RXRG: variants seen among roughly 807,000 people sequenced by gnomAD.
RXRG encodes the protein retinoid X receptor gamma, also known as retinoic acid receptor RXR-gamma.
RXRG carries 19 observed loss-of-function variants against 49.2 expected under a neutral mutation model. The ratio of observed to expected loss-of-function variants is 0.39; its 90% CI spans 0.27 to 0.57. RXRG has a LOEUF of 0.57. RXRG is among the 20% of genes least tolerant of loss of function. RXRG has a pLI of 0.64. For synonymous variants in RXRG, 224 were observed against 216.6 expected, an observed-to-expected ratio of 1.03 and a Z score of -0.30; for missense variants, 452 against 592.5, an observed-to-expected ratio of 0.76 and a Z score of 2.46.
intron 2 of RXRG, among the ~76,000 whole-genome samples, chr1:165,421,475 T>C (rs1481370547): frequency 6.6e-6 from 1 of 152,034 alleles, no homozygotes; most frequent in African/African-American, 2.4e-5. Context: ...ACCTCATCCA[T>C]GTCTTGAGAT....
At chr1:165,404,723 A>G (rs768138729) in intron 9 of RXRG, among the ~76,000 whole-genome samples, 18 of 152,242 alleles carry the variant, frequency 1.2e-4, no homozygotes, top group Non-Finnish European at 2.2e-4. Flanking sequence ...ATACCAAAAT[A>G]TTTACAATAA....
At chr1:165,424,743 G>A (rs928186487) in intron 2 of RXRG, 2 of 983,398 alleles carry the variant, frequency 2.0e-6, no homozygotes, top group African/African-American at 3.5e-5. Context: ...CCCCCAAATT[G>A]TACTTACGCG....
At chr1:165,422,200 C>G (rs913239150) in intron 2 of RXRG, among the ~76,000 whole-genome samples, 1 of 152,218 alleles carries the variant, frequency 6.6e-6, no homozygotes, top group Non-Finnish European at 1.5e-5. Context: ...GTAATGATTG[C>G]CATTGCTACC....
chr1:165,426,292 A>G (rs2101731982), intron 2 of RXRG, among the ~76,000 whole-genome samples: 1 of 152,362 alleles, frequency 6.6e-6, no homozygotes, highest in South Asian at 2.1e-4. Context: ...CCAGTAAAGT[A>G]GTTTATTTGG....
intron 1 of RXRG, among the ~76,000 whole-genome samples, chr1:165,434,271 C>CGTGTGTGTGT (rs1491363219): frequency 0.014 from 1,730 of 120,744 alleles, 28 homozygotes; most frequent in African/African-American, 0.064. Flanking sequence ...CAATGAATTG[C>CGTGTGTGTGT]ATGTGTGTAT....
In RXRG at chr1:165,429,378, T is replaced by A. The variant is rs559152103; in HGVS notation, c.50-412A>T. ...GTAGGTTCCCAGGCTGCTCCATAAT[T>A]CCCTGACTAGAACTCATATTGCTCT... On this transcript the variant is annotated intron_variant, in intron 1 of 9. Coordinates refer to ENST00000359842, the MANE Select transcript of RXRG (RefSeq NM_006917.5). Among the ~76,000 whole-genome samples the A allele has an allele frequency of 1.1e-4, 17 of 152,228 alleles. No homozygotes were observed. The South Asian group carries it at 3.1e-3, about 28-fold the overall frequency.
intron 4 of RXRG, among the ~76,000 whole-genome samples, chr1:165,412,718 G>T (rs923725617): frequency 1.3e-5 from 2 of 152,082 alleles, no homozygotes; most frequent in East Asian, 3.9e-4. Context: ...ACCCCCTTGG[G>T]CTCATCTCTC....
chr1:165,435,713 G>A (rs749897696), intron 1 of RXRG, among the ~76,000 whole-genome samples: 2 of 152,186 alleles, frequency 1.3e-5, no homozygotes, highest in Non-Finnish European at 2.9e-5. Context: ...GGAGTGGGAG[G>A]CAGGGGACTG....
intron 2 of RXRG, chr1:165,424,654 A>G: frequency 2.4e-6 from 1 of 411,894 alleles, no homozygotes; most frequent in Non-Finnish European, 3.3e-6. Flanking sequence ...AGAGAAGCTC[A>G]AACAATGAAA....
chr1:165,408,465 A>G, intron 7 of RXRG, 147 bp from the exon 8 acceptor site: 1 of 630,786 alleles, frequency 1.6e-6, no homozygotes, highest in East Asian at 2.7e-5. Flanking sequence ...AAAAAGATGC[A>G]ACCCCTCATT....
intron 8 of RXRG, among the ~76,000 whole-genome samples, 173 bp from the exon 9 acceptor site, chr1:165,407,090 A>G (rs1241323037): frequency 6.6e-6 from 1 of 152,062 alleles, no homozygotes; most frequent in Non-Finnish European, 1.5e-5. Flanking sequence ...TGCCCAATTT[A>G]CCCAACAAAC....
chr1:165,428,367 G>A (rs1446412127), intron 2 of RXRG, among the ~76,000 whole-genome samples: 4 of 152,226 alleles, frequency 2.6e-5, no homozygotes, highest in Non-Finnish European at 5.9e-5. Flanking sequence ...ACAAGAGCAC[G>A]TGGCACTTCA....
chr1:165,423,494 C>T (rs1350222072), intron 2 of RXRG, among the ~76,000 whole-genome samples: 1 of 152,170 alleles, frequency 6.6e-6, no homozygotes, highest in East Asian at 1.9e-4. Flanking sequence ...AATCCTTCCA[C>T]CAAAGGTTAG....
chr1:165,436,809 T>G, intron 1 of RXRG: 1 of 610,724 alleles, frequency 1.6e-6, no homozygotes, highest in Non-Finnish European at 2.1e-6. Flanking sequence ...TGGCCTCTTT[T>G]ATCAGCTACT....
rs1658150185 is a variant in RXRG, at chr1:165,417,110, T to C, written c.553A>G (p.Lys185Glu). 1.9e-6 allele frequency: 3 copies of C among 1,614,200 alleles called. No individual in the cohort carries two copies. Among genetic ancestry groups the C allele is most frequent in the Non-Finnish European group, 2.5e-6 (3 of 1,180,018 alleles). ...CRDNKDCLID[K>E]RQRNRCQYCR... Reference sequence around the variant, plus strand: ...TACTGGCAGCGGTTGCGCTGACGCTTGTCAATGAGGCAGTCTTTATTATCC... The same window carrying C: ...TACTGGCAGCGGTTGCGCTGACGCTCGTCAATGAGGCAGTCTTTATTATCC... Residue 185 changes from lysine (K) to glutamate (E), a missense_variant, in exon 4 of 10, where the codon AAG becomes GAG. Lys to Glu is a moderately conservative substitution (Grantham distance 56, BLOSUM62 1). Transcript: ENST00000359842.
chr1:165,414,766 T>A (rs1279318928), intron 4 of RXRG, among the ~76,000 whole-genome samples: 2 of 152,200 alleles, frequency 1.3e-5, no homozygotes, highest in African/African-American at 4.8e-5. Flanking sequence ...GTATTTCATA[T>A]CGCATGCTCC....
chr1:165,410,841 G>A lies in RXRG; in HGVS notation c.784-10C>T, dbSNP rs200020638. On this transcript the variant is annotated splice_polypyrimidine_tract_variant and intron_variant, in intron 5 of 9. Transcript: ENST00000359842. ...TAACAGGGTCATTTGTCTGAAAAAG[G>A]AACAAAGTACTGTGAGGCACAGGTC... is the stretch of plus-strand genomic sequence containing the variant. The A allele has an allele frequency of 4.3e-6, 7 of 1,614,014 alleles. No individual in the cohort carries two copies. The highest frequency in any genetic ancestry group is 5.1e-6 in the Non-Finnish European group (6 of 1,179,992).
chr1:165,428,519 G>A (rs1658563680), intron 2 of RXRG, among the ~76,000 whole-genome samples, 200 bp downstream of exon 2: 1 of 152,228 alleles, frequency 6.6e-6, no homozygotes, highest in Admixed American at 6.5e-5. Context: ...TGGACCATGA[G>A]GAGTTGTCAG....
At chr1:165,412,749 TC>T (rs1183796596) in intron 4 of RXRG, among the ~76,000 whole-genome samples, 2 of 152,336 alleles carry the variant, frequency 1.3e-5, no homozygotes, top group East Asian at 3.9e-4. Flanking sequence ...TTTGGCCTCT[TC>T]CTCTCTCTCC....
Sources: gnomAD v4.1 joint callset for allele counts (sites outside exome capture counted in the v4.1 genomes callset) on GRCh38, gnomAD v4.1.1 for gene constraint, MANE v1.5 for transcripts, NCBI Gene and HGNC (gene_info 2026-07-23, HGNC 2026-07-21) for gene names.